The following ST8SIA4 variants were observed in gnomAD, a reference collection of about 807,000 sequenced individuals.
ST8SIA4 encodes ST8 alpha-N-acetyl-neuraminide alpha-2,8-sialyltransferase 4.
Under a neutral mutation model 33.9 loss-of-function variants are expected in ST8SIA4, and 15 were observed. The ratio of observed to expected loss-of-function variants is 0.44; its 90% CI spans 0.30 to 0.68. The LOEUF (loss-of-function observed/expected upper bound fraction) is 0.68. ST8SIA4 is among the 30% of genes least tolerant of loss of function. The probability of loss-of-function intolerance (pLI) is 0.10; values close to 1 mark genes in which losing one functional copy is unlikely to be tolerated. For missense variants in ST8SIA4, 321 were observed against 428.0 expected, an observed-to-expected ratio of 0.75 and a Z score of 2.21; for synonymous variants, 171 against 151.2, an observed-to-expected ratio of 1.13 and a Z score of -0.96.
chr5:100,825,650 C>G (rs1751125945), intron 4 of ST8SIA4, among the ~76,000 whole-genome samples: 1 of 152,318 alleles, frequency 6.6e-6, no homozygotes, highest in South Asian at 2.1e-4. Flanking sequence ...AGGACCATAA[C>G]TGAACTCTGG....
chr5:100,886,302 T>G, intron 3 of ST8SIA4, 41 bp downstream of exon 3: 1 of 1,586,146 alleles, frequency 6.3e-7, no homozygotes, highest in South Asian at 1.1e-5. Context: ...GTAAAATATC[T>G]TTGAAAAACT....
At chr5:100,900,514 C>A (rs1030415959) in intron 1 of ST8SIA4, 2 of 456,178 alleles carry the variant, frequency 4.4e-6, no homozygotes, top group Non-Finnish European at 8.8e-6. Flanking sequence ...AGCTTTTCCA[C>A]GAACCTTTCA....
At chr5:100,842,884 T>G (rs1580458216) in intron 4 of ST8SIA4, among the ~76,000 whole-genome samples, 2 of 151,914 alleles carry the variant, frequency 1.3e-5, no homozygotes, top group South Asian at 2.1e-4. Flanking sequence ...TTATGATACA[T>G]TCAGTCACAT....
At chr5:100,873,211 G>A (rs541860819) in intron 3 of ST8SIA4, among the ~76,000 whole-genome samples, 1 of 152,204 alleles carries the variant, frequency 6.6e-6, no homozygotes, top group Non-Finnish European at 1.5e-5. Flanking sequence ...GAAATTAGGA[G>A]GAAAGTAGTC....
At chr5:100,884,315 A>G (rs1339672059) in intron 3 of ST8SIA4, among the ~76,000 whole-genome samples, 2 of 152,232 alleles carry the variant, frequency 1.3e-5, no homozygotes, top group Non-Finnish European at 2.9e-5. Flanking sequence ...CTAAATGCCC[A>G]GTAGTCCATA....
chr5:100,836,538 T>A (rs1488236191), intron 4 of ST8SIA4, among the ~76,000 whole-genome samples: 1 of 152,038 alleles, frequency 6.6e-6, no homozygotes, highest in East Asian at 1.9e-4. Flanking sequence ...AAGGTTCACA[T>A]GCTTTCTCAA....
intron 4 of ST8SIA4, chr5:100,849,066 A>G: frequency 1.2e-6 from 1 of 846,104 alleles, no homozygotes; most frequent in Non-Finnish European, 1.4e-6. Flanking sequence ...GAAATACTTT[A>G]GAAAGCTATC....
intron 3 of ST8SIA4, chr5:100,885,708 T>G: frequency 1.1e-6 from 1 of 947,542 alleles, no homozygotes; most frequent in Non-Finnish European, 1.3e-6. Context: ...CTGTTGAGTT[T>G]TTTTCAGTTA....
chr5:100,847,913 C>T (rs1232675092), intron 4 of ST8SIA4, among the ~76,000 whole-genome samples: 1 of 151,944 alleles, frequency 6.6e-6, no homozygotes, highest in Non-Finnish European at 1.5e-5. Flanking sequence ...TGGGCGGGTA[C>T]ATTAAGTGAT....
intron 4 of ST8SIA4, among the ~76,000 whole-genome samples, chr5:100,850,959 T>A (rs1751683694): frequency 7.2e-6 from 1 of 139,796 alleles, no homozygotes; most frequent in Non-Finnish European, 1.6e-5. Context: ...CCATACTTTT[T>A]TTTTTTTTTT....
intron 4 of ST8SIA4, among the ~76,000 whole-genome samples, chr5:100,852,455 A>T (rs1751725615): frequency 7.2e-6 from 1 of 139,606 alleles, no homozygotes; most frequent in Non-Finnish European, 1.6e-5. Context: ...AAAAAAAAAA[A>T]TACAAAATGT....
chr5:100,849,520 G>T, intron 4 of ST8SIA4: 2 of 928,764 alleles, frequency 2.2e-6, no homozygotes, highest in Non-Finnish European at 2.6e-6. Context: ...GGTGGCTCAC[G>T]CCTGTAATCC....
At chr5:100,831,808 T>A (rs1378217581) in intron 4 of ST8SIA4, among the ~76,000 whole-genome samples, 3 of 152,182 alleles carry the variant, frequency 2.0e-5, no homozygotes, top group East Asian at 1.9e-4. Flanking sequence ...ATATATTTTT[T>A]AAAAATTTTC....
chr5:100,896,694 A>G (rs1752787111), intron 1 of ST8SIA4, among the ~76,000 whole-genome samples: 1 of 152,188 alleles, frequency 6.6e-6, no homozygotes, highest in South Asian at 2.1e-4. Context: ...CCGTAAATAT[A>G]TACAATTATT....
chr5:100,842,602 G>A (rs1480482041), intron 4 of ST8SIA4, among the ~76,000 whole-genome samples: 1 of 151,712 alleles, frequency 6.6e-6, no homozygotes, highest in Non-Finnish European at 1.5e-5. Context: ...AAGCAGTATT[G>A]AGAAACATAT....
chr5:100,881,952 C>T (rs1041941873), intron 3 of ST8SIA4, among the ~76,000 whole-genome samples: 6 of 152,134 alleles, frequency 3.9e-5, no homozygotes, highest in Non-Finnish European at 8.8e-5. Context: ...TTTTTCTTCC[C>T]AGTCTCAGGC....
chr5:100,830,997 T>C lies in ST8SIA4; in HGVS notation c.798-18868A>G, dbSNP rs150846748. On this transcript the variant is annotated intron_variant, in intron 4 of 4. Coordinates refer to ENST00000231461, the MANE Select transcript of ST8SIA4 (RefSeq NM_005668.6). ...TTCTTAAAATTAGACCTATAGCTTCTCAAAATAAAACCTATTACACATACA... is the reference window on the plus strand; with the variant it reads ...TTCTTAAAATTAGACCTATAGCTTCCCAAAATAAAACCTATTACACATACA... Among the ~76,000 whole-genome samples, 175 of 152,272 alleles carry C rather than the reference T, an allele frequency of 1.1e-3. 4 individuals are homozygous for C. In the East Asian group the frequency reaches 0.031, roughly 27 times the overall value.
At chr5:100,894,878 C>T (rs939498653) in intron 2 of ST8SIA4, among the ~76,000 whole-genome samples, 12 of 151,944 alleles carry the variant, frequency 7.9e-5, no homozygotes, top group East Asian at 1.9e-4. Context: ...TATTATATAA[C>T]GAATGTATTC....
At position 100,886,392 on chromosome 5, in the gene ST8SIA4, A is replaced by T; in HGVS notation, c.454T>A (p.Leu152Ile). ...ATCTCCTTTCCACATTCACTGTCTA[A>T]CAGAATGCCAGAATTTCCAACAACT... ...CAVVGNSGIL[L>I]DSECGKEIDS... is the part of the protein sequence containing the mutation. The change falls in exon 3 of 5, where the codon TTA becomes ATA. Residue 152 changes from leucine to isoleucine, a missense_variant. Leu to Ile is a conservative substitution (Grantham distance 5). Transcript: ENST00000231461. 3 of 1,613,906 alleles carry T rather than the reference A, an allele frequency of 1.9e-6. No homozygotes were observed. Among genetic ancestry groups the T allele is most frequent in the Non-Finnish European group, 2.5e-6 (3 of 1,179,794 alleles).
Sources: gnomAD v4.1 joint callset for allele counts (sites outside exome capture counted in the v4.1 genomes callset) on GRCh38, gnomAD v4.1.1 for gene constraint, MANE v1.5 for transcripts, NCBI Gene and HGNC (gene_info 2026-07-23, HGNC 2026-07-21) for gene names.